Variants in IQSEC1 observed in about 807,000 individuals in gnomAD.
The protein encoded by IQSEC1 is IQ motif and Sec7 domain ArfGEF 1.
In IQSEC1, 31 loss-of-function variants were observed where a neutral mutation model predicts 91.0. The observed-to-expected ratio is 0.34, with a 90% CI of 0.26 to 0.46. IQSEC1 has a LOEUF of 0.46. IQSEC1 is among the 20% of genes least tolerant of loss of function. The probability of loss-of-function intolerance (pLI) is 1.00; values close to 1 mark genes in which losing one functional copy is unlikely to be tolerated. For missense variants in IQSEC1, 1,388 were observed against 1,575.6 expected, an observed-to-expected ratio of 0.88 and a Z score of 2.02; for synonymous variants, 699 against 662.6, an observed-to-expected ratio of 1.05 and a Z score of -0.84.
At chr3:13,110,937 A>C (rs1463368853) in intron 2 of IQSEC1, among the ~76,000 whole-genome samples, 1 of 152,112 alleles carries the variant, frequency 6.6e-6, no homozygotes, top group Non-Finnish European at 1.5e-5. Flanking sequence ...GCCTGGGGGG[A>C]ATTACCGCAC....
chr3:13,194,824 C>T lies in IQSEC1; in HGVS notation c.273-30691G>A, dbSNP rs183754505. Among the ~76,000 whole-genome samples, 420 of 152,292 alleles carry T rather than the reference C, an allele frequency of 2.8e-3. 3 individuals are homozygous for T. Among genetic ancestry groups the T allele is most frequent in the African/African-American group, 9.6e-3 (398 of 41,550 alleles). On this transcript the variant is annotated intron_variant, in intron 1 of 15. Transcript: ENST00000648114. ...ATCCGCAGGCAATACGAGCAAACTC[C>T]AGCCTCAACCTCAGACCCTAACCCA... is the stretch of plus-strand genomic sequence containing the variant.
chr3:12,941,942 C>A, intron 1 of IQSEC1, 77 bp from the exon 2 acceptor site: 3 of 1,326,346 alleles, frequency 2.3e-6, no homozygotes, highest in Non-Finnish European at 3.0e-6. Context: ...GGGCGTGACC[C>A]CACCATGCTC....
intron 1 of IQSEC1, among the ~76,000 whole-genome samples, chr3:13,225,417 T>C (rs932640843): frequency 6.6e-6 from 1 of 152,272 alleles, no homozygotes; most frequent in Non-Finnish European, 1.5e-5. Context: ...GATGTGATTG[T>C]ATGCGATTCT....
At chr3:13,181,898 A>C (rs1693850004) in intron 1 of IQSEC1, among the ~76,000 whole-genome samples, 3 of 152,268 alleles carry the variant, frequency 2.0e-5, no homozygotes, top group African/African-American at 7.2e-5. Flanking sequence ...TTCCACCACC[A>C]GAATGTGACT....
Position 12,920,661 on chromosome 3 carries a change from C to G in IQSEC1, c.1854-65G>C. ...CAAGTGACACGGCCCCTCTCTCACC[C>G]GCTGAGGCTGTCATGTGCCGCTAAG... On this transcript the variant is annotated intron_variant, in intron 5 of 13. Transcript: ENST00000613206. 4 of 1,527,850 alleles carry G rather than the reference C, an allele frequency of 2.6e-6. No individual in the cohort carries two copies. The South Asian group carries it at 3.4e-5, about 13-fold the overall frequency. 94.6% of individuals were successfully genotyped at this position (1,527,850 alleles called of 1,614,324 possible).
At position 13,028,674 on chromosome 3, in the gene IQSEC1, G is replaced by A. The variant is rs191437668; in HGVS notation, c.23+44318C>T. ...AGTCCCCATGGGTTGTCCCTTCTGA[G>A]GGTTCTGACACGTTTCCTTTCAGCC... On this transcript the variant is annotated intron_variant, in intron 1 of 13. Coordinates refer to ENST00000613206, the MANE Select transcript of IQSEC1 (RefSeq NM_001134382.3). Among the ~76,000 whole-genome samples, 22 of 152,350 alleles carry A rather than the reference G, an allele frequency of 1.4e-4. No individual in the cohort carries two copies. In the East Asian group the frequency reaches 3.1e-3, roughly 21 times the overall value.
intron 1 of IQSEC1, 40 bp from the exon 2 acceptor site, chr3:12,941,905 G>C (rs958732652): frequency 9.2e-6 from 14 of 1,527,528 alleles, no homozygotes; most frequent in Non-Finnish European, 1.1e-5. Flanking sequence ...TGGTAAGCGG[G>C]AAATCTGAAC....
intron 1 of IQSEC1, among the ~76,000 whole-genome samples, chr3:12,961,104 G>A (rs1477279596): frequency 6.6e-6 from 1 of 152,250 alleles, no homozygotes; most frequent in Admixed American, 6.5e-5. Flanking sequence ...GGGACTGAAG[G>A]CCACTGCCCC....
In IQSEC1 at chr3:13,153,547, C is replaced by A. The variant is rs182349560; in HGVS notation, c.302+10557G>T. Among the ~76,000 whole-genome samples, 50 of 152,348 alleles carry A rather than the reference C, an allele frequency of 3.3e-4. 1 individual carries two copies. The East Asian group carries it at 9.1e-3, about 28-fold the overall frequency. On this transcript the variant is annotated intron_variant, in intron 2 of 15. Coordinates refer to the IQSEC1 transcript ENST00000648114. Reference sequence around the variant, plus strand: ...GCTCCCAGCCCCAGTCCCCAGCCTACCCCTGTCCTATGTGTTCCTGCCACT... The same window carrying A: ...GCTCCCAGCCCCAGTCCCCAGCCTAACCCTGTCCTATGTGTTCCTGCCACT...
chr3:13,045,883 C>A (rs1704476028), intron 1 of IQSEC1, among the ~76,000 whole-genome samples: 1 of 152,208 alleles, frequency 6.6e-6, no homozygotes, highest in African/African-American at 2.4e-5. Flanking sequence ...AGTGTGTGTA[C>A]CAGTGTGAGC....
chr3:13,047,049 C>T (rs1559739905), intron 1 of IQSEC1, among the ~76,000 whole-genome samples: 1 of 152,134 alleles, frequency 6.6e-6, no homozygotes, highest in Non-Finnish European at 1.5e-5. Flanking sequence ...ACCCCAGCTC[C>T]CACCAAGCGC....
chr3:12,900,419 C>T lies in IQSEC1; in HGVS notation c.*564G>A. 7.1e-6 allele frequency: 7 copies of T among 981,882 alleles called. No individual in the cohort carries two copies. The highest frequency in any genetic ancestry group is 8.5e-6 in the Non-Finnish European group (7 of 828,204). 60.8% of individuals were successfully genotyped at this position (981,882 alleles called of 1,614,324 possible). A position where few individuals can be genotyped will look rare whatever the true frequency, so the allele number is the denominator to read the frequency against. The stretch of plus-strand genomic sequence containing the variant: ...GGTATTGCTAATGTGGACTGAAACG[C>T]CTGCCTTTCACACACAAGTACTACC... On this transcript the variant is annotated 3_prime_UTR_variant, in exon 14 of 14. Transcript: ENST00000613206.
chr3:12,964,829 G>A (rs1700459562), intron 1 of IQSEC1, among the ~76,000 whole-genome samples: 1 of 152,008 alleles, frequency 6.6e-6, no homozygotes, highest in South Asian at 2.1e-4. Flanking sequence ...ACACACAGAT[G>A]CACACACATG....
At chr3:13,069,600 T>A (rs1705348240) in intron 1 of IQSEC1, among the ~76,000 whole-genome samples, 1 of 152,082 alleles carries the variant, frequency 6.6e-6, no homozygotes, top group Non-Finnish European at 1.5e-5. Context: ...GTCGGGACAG[T>A]TCCAGGCAGT....
intron 1 of IQSEC1, among the ~76,000 whole-genome samples, chr3:13,253,237 C>T (rs1203921192): frequency 6.6e-6 from 1 of 152,214 alleles, no homozygotes; most frequent in Non-Finnish European, 1.5e-5. Flanking sequence ...TAACATTTCA[C>T]TGAGGCAGAG....
chr3:13,023,561 G>T (rs569680820), intron 1 of IQSEC1, among the ~76,000 whole-genome samples: 1 of 152,224 alleles, frequency 6.6e-6, no homozygotes, highest in Non-Finnish European at 1.5e-5. Context: ...CTCAGAGAGG[G>T]CCATCACCTG....
intron 1 of IQSEC1, among the ~76,000 whole-genome samples, chr3:13,246,399 C>G (rs577405052): frequency 1.2e-4 from 19 of 152,206 alleles, no homozygotes; most frequent in African/African-American, 4.3e-4. Context: ...GAGGCTCAGT[C>G]TGGGAAGAGG....
chr3:12,971,341 T>C (rs1283839837), intron 1 of IQSEC1, among the ~76,000 whole-genome samples: 1 of 152,228 alleles, frequency 6.6e-6, no homozygotes, highest in African/African-American at 2.4e-5. Flanking sequence ...TGGGATGCAC[T>C]GTTGGGAACG....
chr3:12,898,582 A>G lies in IQSEC1; in HGVS notation c.*2401T>C, dbSNP rs900373946. 2.6e-5 allele frequency: 4 copies of G among 152,106 alleles called. No homozygotes were observed. The highest frequency in any genetic ancestry group is 9.7e-5 in the African/African-American group (4 of 41,422). The allele number at this position is 152,106 out of a possible 1,614,324, so 9.4% of individuals were successfully genotyped here. A position where few individuals can be genotyped will look rare whatever the true frequency, so the allele number is the denominator to read the frequency against. ...CTCCTGGGGTTTTCTGTCTGTTCCT[A>G]TTCATTACTGCTACCCTTCAGAAAG... is the stretch of plus-strand genomic sequence containing the variant. On this transcript the variant is annotated 3_prime_UTR_variant, in exon 14 of 14. Coordinates refer to ENST00000613206, the MANE Select transcript of IQSEC1 (RefSeq NM_001134382.3).
Sources: gnomAD v4.1 joint callset for allele counts (sites outside exome capture counted in the v4.1 genomes callset) on GRCh38, gnomAD v4.1.1 for gene constraint, MANE v1.5 for transcripts, NCBI Gene and HGNC (gene_info 2026-07-23, HGNC 2026-07-21) for gene names.